The following ATPAF2 variants were observed in gnomAD, a reference collection of about 807,000 sequenced individuals.
ATPAF2 encodes ATP12 homolog.
ATPAF2 carries 30 observed loss-of-function variants against 36.6 expected under a neutral mutation model. The observed-to-expected ratio is 0.82, with a 90% CI of 0.61 to 1.11. ATPAF2 has a LOEUF of 1.11. Among genes scored for constraint, ATPAF2 ranks in the 50% most tolerant of loss-of-function variants. The pLI is 0.00. For missense variants in ATPAF2, 321 were observed against 372.3 expected (o/e 0.86, Z 1.13); for synonymous variants, 140 against 152.6 (o/e 0.92, Z 0.61).
At chr17:18,026,257 T>C (rs962408313) in intron 4 of ATPAF2, 62 bp downstream of exon 4, 73 of 1,444,342 alleles carry the variant, frequency 5.1e-5, no homozygotes, top group Non-Finnish European at 6.6e-5. Context: ...CTGATAACCA[T>C]CTGGGCAAAT....
At chr17:18,016,692 C>T (rs775906418), downstream of ATPAF2, 3 of 1,528,412 alleles carry the variant, frequency 2.0e-6, no homozygotes, top group Non-Finnish European at 2.7e-6. Context: ...GCCACAGGAG[C>T]TTCTTCAAAA....
chr17:18,019,147 CCACACACACACA>C (rs138932269), intron 7 of ATPAF2, among the ~76,000 whole-genome samples: 14 of 135,658 alleles, frequency 1.0e-4, no homozygotes, highest in East Asian at 2.3e-4. Flanking sequence ...CTCAAAAACA[CCACACACACACA>C]CACACACACA....
At chr17:18,027,950 T>C (rs2044571761) in intron 3 of ATPAF2, 2 of 470,702 alleles carry the variant, frequency 4.2e-6, no homozygotes, top group South Asian at 2.3e-5. Flanking sequence ...GCTGCTGTCA[T>C]AGAAAATAAG....
In ATPAF2 at chr17:18,038,952, C is replaced by A. The variant is rs949018724; in HGVS notation, c.62G>T (p.Gly21Val). The change falls in exon 1 of 8, where the codon GGT becomes GTT. Residue 21 changes from glycine to valine, a missense_variant. By Grantham distance (109) the Gly-to-Val change is moderately radical. Coordinates refer to ENST00000474627, the MANE Select transcript of ATPAF2 (RefSeq NM_145691.4). The stretch of plus-strand genomic sequence containing the variant: ...CGGACTCATAGAAGCGCTGGGGCCA[C>A]CCGCCGGCCGATTCAGGAGACGGCG... ...GGRRLLNRPA[G>V]GPSASMSPGP... The A allele has an allele frequency of 6.2e-7, 1 of 1,612,242 alleles. No individual in the cohort carries two copies. Among genetic ancestry groups the A allele is most frequent in the African/African-American group, 1.3e-5 (1 of 75,052 alleles).
chr17:18,028,243 T>C lies in ATPAF2; in HGVS notation c.313A>G (p.Thr105Ala), dbSNP rs766035488. 6.2e-6 allele frequency: 10 copies of C among 1,614,170 alleles called. No homozygotes were observed. In the Admixed American group the frequency reaches 1.7e-4, roughly 27 times the overall value. ...TGTGAACTTGTTACCAGGTGCATGG[T>C]GTAGTACTTGATGGTATCCTGCTGG... ...DSQQDTIKYY[T>A]MHLTTLCNTS... Residue 105 changes from threonine (T) to alanine (A), a missense_variant, in exon 3 of 8, where the codon ACC (threonine) becomes GCC (alanine). By Grantham distance (58) the Thr-to-Ala change is moderately conservative. This residue lies in a region of ATPAF2 where 53 missense variants were observed against 91.6 expected (regional missense o/e 0.58). Transcript: ENST00000474627.
In ATPAF2 at chr17:18,021,165, C is replaced by T. The variant is rs775195886; in HGVS notation, c.690G>A (p.Val230=). 3.1e-6 allele frequency: 5 copies of T among 1,613,862 alleles called. No individual in the cohort carries two copies. In the Admixed American group the frequency reaches 6.7e-5, roughly 22 times the overall value. Residue 230 remains valine (V), a synonymous_variant, in exon 7 of 8, where the codon GTG becomes GTA. Transcript: ENST00000474627. ...TLGLIDLRLT[V]EQAVLLSRLE... is the part of the protein sequence containing the mutation. ...GGCGTGACAGCAGCACGGCCTGCTC[C>T]ACTGTCAGGCGCAGGTCAATCAGGC...
In ATPAF2 at chr17:18,021,180, G is replaced by T; in HGVS notation, c.675C>A (p.Asp225Glu). 1 of 1,614,010 alleles carries T rather than the reference G, an allele frequency of 6.2e-7. No individual in the cohort carries two copies. The highest frequency in any genetic ancestry group is 8.5e-7 in the Non-Finnish European group (1 of 1,179,998). Residue 225 changes from aspartate (D) to glutamate (E), a missense_variant, in exon 7 of 8, where the codon GAC (aspartate) becomes GAA (glutamate). Asp to Glu is a conservative substitution (Grantham distance 45). This residue lies in a region of ATPAF2 where 199 missense variants were observed against 220.6 expected (regional missense o/e 0.90). Coordinates refer to ENST00000474627, the MANE Select transcript of ATPAF2 (RefSeq NM_145691.4). ...CGGCCTGCTCCACTGTCAGGCGCAG[G>T]TCAATCAGGCCCAAGGTTAGCACCA... ...KSMVLTLGLI[D>E]LRLTVEQAVL...
At chr17:18,028,467 A>T in intron 2 of ATPAF2, 90 bp from the exon 3 acceptor site, 1 of 1,573,444 alleles carries the variant, frequency 6.4e-7, no homozygotes, top group East Asian at 2.2e-5. Context: ...TGGTGCAGAC[A>T]AAGCCAACTC....
intron 5 of ATPAF2, 68 bp from the exon 6 acceptor site, chr17:18,021,925 A>G (rs2044475715): frequency 1.5e-6 from 2 of 1,359,260 alleles, no homozygotes; most frequent in African/African-American, 1.4e-5. Flanking sequence ...CCTTTTGACT[A>G]GAAACAAAGG....
chr17:18,026,231 A>G, intron 4 of ATPAF2, 88 bp downstream of exon 4: 1 of 1,253,916 alleles, frequency 8.0e-7, no homozygotes. Context: ...ATAAATGGAG[A>G]GGGTTTCTTC....
In ATPAF2 at chr17:18,038,758, A is replaced by C. The variant is rs540220500; in HGVS notation, c.133+123T>G. ...ACTTTCTCATCTGTAAAAAGACCTGACTGGCCTGCATAACCTCATGAGCCT... is the reference window on the plus strand; with the variant it reads ...ACTTTCTCATCTGTAAAAAGACCTGCCTGGCCTGCATAACCTCATGAGCCT... On this transcript the variant is annotated intron_variant, in intron 1 of 7. Coordinates refer to ENST00000474627, the MANE Select transcript of ATPAF2 (RefSeq NM_145691.4). 9 of 1,394,312 alleles carry C rather than the reference A, an allele frequency of 6.5e-6. No homozygotes were observed. The East Asian group carries it at 2.1e-4, about 32-fold the overall frequency. The allele number at this position is 1,394,312 out of a possible 1,614,324, so 86.4% of individuals were successfully genotyped here.
At position 18,021,845 on chromosome 17, in the gene ATPAF2, C is replaced by T; in HGVS notation, c.516G>A (p.Glu172=). The change falls in exon 6 of 8, where the codon GAG becomes GAA. Residue 172 remains glutamate, a synonymous_variant. Transcript: ENST00000474627. ...IEWAEKRYGV[E]ISSSTSIMGP... The stretch of plus-strand genomic sequence containing the variant: ...CCATTATGCTGGTGGAGGAGCTGAT[C>T]TCCACGCCGTATCTGAAAGGAAAAG... 6.2e-7 allele frequency: 1 copy of T among 1,614,074 alleles called. No homozygotes were observed. The highest frequency in any genetic ancestry group is 8.5e-7 in the Non-Finnish European group (1 of 1,179,958).
chr17:18,018,702 G>C lies in ATPAF2; in HGVS notation c.733-16C>G. Reference sequence around the variant, plus strand: ...ACTTCTGGATCTGAGGGAAGGACAAGACAAGTTGCTGGGTGAGTGGCCAGT... The same window carrying C: ...ACTTCTGGATCTGAGGGAAGGACAACACAAGTTGCTGGGTGAGTGGCCAGT... On this transcript the variant is annotated splice_polypyrimidine_tract_variant and intron_variant, in intron 7 of 7. Coordinates refer to ENST00000474627, the MANE Select transcript of ATPAF2 (RefSeq NM_145691.4). 6.2e-7 allele frequency: 1 copy of C among 1,613,904 alleles called. No individual in the cohort carries two copies. Among genetic ancestry groups the C allele is most frequent in the Non-Finnish European group, 8.5e-7 (1 of 1,179,982 alleles).
intron 1 of ATPAF2, among the ~76,000 whole-genome samples, chr17:18,031,453 G>A (rs1207732188): frequency 6.6e-6 from 1 of 152,014 alleles, no homozygotes; most frequent in African/African-American, 2.4e-5. Context: ...CTTGGCACTT[G>A]GGATACAAGA....
intron 7 of ATPAF2, among the ~76,000 whole-genome samples, chr17:18,019,187 C>CACACACACACACACACACACA (rs1256217214): frequency 5.4e-4 from 22 of 40,452 alleles, no homozygotes; most frequent in African/African-American, 1.8e-3. Context: ...ACACACACAC[C>CACACACACACACACACACACA]CCACCACCCC....
At chr17:18,033,399 C>T (rs1217147996) in intron 1 of ATPAF2, among the ~76,000 whole-genome samples, 3 of 150,080 alleles carry the variant, frequency 2.0e-5, no homozygotes, top group South Asian at 4.2e-4. Context: ...CTGGACAATT[C>T]GTTTGGGGGA....
At chr17:18,030,509 T>TG (rs1303249113) in intron 1 of ATPAF2, among the ~76,000 whole-genome samples, 9 of 124,344 alleles carry the variant, frequency 7.2e-5, no homozygotes, top group African/African-American at 2.0e-4. Flanking sequence ...CCCTGTCTCT[T>TG]GGGGAAAAAA....
Position 18,021,227 on chromosome 17 carries a change from C to A in ATPAF2, c.628G>T (p.Val210Leu). The change falls in exon 7 of 8, where the codon GTA (valine) becomes TTA (leucine). Residue 210 changes from valine to leucine, a missense_variant. Val to Leu is a conservative substitution (Grantham distance 32). Coordinates refer to ENST00000474627, the MANE Select transcript of ATPAF2 (RefSeq NM_145691.4). ...ACCATGGACTTGAGCTGGGCAGCTA[C>A]AAACTCAATCCCTGCAGGGACACAA... The part of the protein sequence containing the change: ...NTWALQGIEF[V>L]AAQLKSMVLT... 6.2e-7 allele frequency: 1 copy of A among 1,613,184 alleles called. No individual in the cohort carries two copies. The highest frequency in any genetic ancestry group is 8.5e-7 in the Non-Finnish European group (1 of 1,179,702).
chr17:18,038,670 C>T (rs543876327), intron 1 of ATPAF2, among the ~76,000 whole-genome samples: 7 of 152,346 alleles, frequency 4.6e-5, no homozygotes, highest in South Asian at 4.2e-4. Context: ...GGCCAAATAT[C>T]AATTACTGTA....
Sources: gnomAD v4.1 joint callset for allele counts (sites outside exome capture counted in the v4.1 genomes callset) on GRCh38, gnomAD v4.1.1 for gene constraint, gnomAD v4.1.1 regional missense constraint, MANE v1.5 for transcripts, NCBI Gene and HGNC (gene_info 2026-07-23, HGNC 2026-07-21) for gene names.